Variants in PEX14 observed in about 807,000 individuals in gnomAD.
PEX14 encodes peroxisomal membrane protein PEX14.
Under a neutral mutation model 49.5 loss-of-function variants are expected in PEX14, and 15 were observed. The observed-to-expected ratio is 0.30, with a 90% CI of 0.20 to 0.47. PEX14 has a LOEUF of 0.47. PEX14 is among the 20% of genes least tolerant of loss of function. The probability of loss-of-function intolerance (pLI) is 1.00; values close to 1 mark genes in which losing one functional copy is unlikely to be tolerated. For synonymous variants in PEX14, 210 were observed against 212.7 expected (o/e 0.99, Z 0.11); for missense variants, 398 against 494.8 (o/e 0.80, Z 1.86).
chr1:10,601,502 C>T lies in PEX14; in HGVS notation c.298+2136C>T, dbSNP rs76936997. Among the ~76,000 whole-genome samples the T allele has an allele frequency of 9.6e-3, 1,466 of 152,260 alleles. 17 individuals carry two copies. The highest frequency in any genetic ancestry group is 0.016 in the Admixed American group (237 of 15,290). ...CAGCCAGTGGGTTGGAATCTGCTGTCTGTGTTACGGATCTTATTTAGAGAT... is the reference window on the plus strand; with the variant it reads ...CAGCCAGTGGGTTGGAATCTGCTGTTTGTGTTACGGATCTTATTTAGAGAT... On this transcript the variant is annotated intron_variant, in intron 4 of 8. Coordinates refer to ENST00000356607, the MANE Select transcript of PEX14 (RefSeq NM_004565.3).
In PEX14 at chr1:10,524,923, T is replaced by C. The variant is rs190749990; in HGVS notation, c.85-11290T>C. On this transcript the variant is annotated intron_variant, in intron 2 of 8. Transcript: ENST00000356607. ...CCAGGCTGGTCCCGAACTCTTGGCC[T>C]CCAGCCATCCTCCTGCCTCAGCCTC... is the stretch of plus-strand genomic sequence containing the variant. 2.6e-5 allele frequency among the ~76,000 whole-genome samples: 4 copies of C among 152,364 alleles called. 1 individual carries two copies. The highest frequency in any genetic ancestry group is 2.6e-4 in the Admixed American group (4 of 15,310).
At chr1:10,559,075 G>A (rs1225766265) in intron 3 of PEX14, among the ~76,000 whole-genome samples, 2 of 151,958 alleles carry the variant, frequency 1.3e-5, no homozygotes, top group Non-Finnish European at 2.9e-5. Flanking sequence ...GGTTCTCTTA[G>A]GTTTTCTCAG....
Position 10,613,892 on chromosome 1 carries a change from AG to A in PEX14, c.299-4439del, listed in dbSNP as rs1641340263. On this transcript the variant is annotated intron_variant, in intron 4 of 8. Coordinates refer to ENST00000356607, the MANE Select transcript of PEX14 (RefSeq NM_004565.3). The surrounding 1 kb of genome is among the most constrained non-coding windows in gnomAD (Gnocchi z 5.0). ...GAGTGGAGACTCGAAGCATTTAAAA[AG>A]CCCACTCATTCTCTTCCTTTTCTTC... 6.6e-6 allele frequency among the ~76,000 whole-genome samples: 1 copy of A among 152,212 alleles called. No homozygotes were observed. The highest frequency in any genetic ancestry group is 2.4e-5 in the African/African-American group (1 of 41,452).
At chr1:10,545,196 T>C (rs978555014) in intron 3 of PEX14, among the ~76,000 whole-genome samples, 1 of 152,234 alleles carries the variant, frequency 6.6e-6, no homozygotes, top group Non-Finnish European at 1.5e-5. Context: ...GTTCATTCCT[T>C]TTTATTGCTG....
At chr1:10,576,345 A>G (rs1456863224) in intron 3 of PEX14, among the ~76,000 whole-genome samples, 1 of 152,192 alleles carries the variant, frequency 6.6e-6, no homozygotes, top group East Asian at 1.9e-4. Flanking sequence ...TGTGTCAGGC[A>G]ATAAGCTAAG....
chr1:10,520,148 C>CTTTTTTTTTTTTTTGT (rs1553185420), intron 2 of PEX14, among the ~76,000 whole-genome samples: 4 of 69,162 alleles, frequency 5.8e-5, no homozygotes, highest in African/African-American at 1.3e-4. Context: ...CCTTCTTCTT[C>CTTTTTTTTTTTTTTGT]TTTTTTTTTT....
At chr1:10,574,951 A>G (rs1640078906) in intron 3 of PEX14, among the ~76,000 whole-genome samples, 1 of 152,140 alleles carries the variant, frequency 6.6e-6, no homozygotes, top group South Asian at 2.1e-4. Flanking sequence ...TCTGAAAAAA[A>G]TTCGTAAAAG....
intron 1 of PEX14, among the ~76,000 whole-genome samples, chr1:10,486,061 A>G (rs1440649837): frequency 1.3e-5 from 2 of 152,170 alleles, no homozygotes; most frequent in South Asian, 4.1e-4. Flanking sequence ...CCCGGCCTCT[A>G]GTAGCTTTTT....
intron 3 of PEX14, among the ~76,000 whole-genome samples, chr1:10,593,286 T>G (rs755702387): frequency 1.3e-5 from 2 of 152,220 alleles, no homozygotes; most frequent in Non-Finnish European, 2.9e-5. Flanking sequence ...TTAGATATCT[T>G]TCTTTCTTTC....
rs1015797093 is a variant in PEX14 at position 10,587,194 on chromosome 1, C to T, written c.170-12044C>T. ...TAATGAGGCTGTGTGTGGTGGCTCACGCCTGTAATCCCAGCACTTTGGGAG... is the reference window on the plus strand; with the variant it reads ...TAATGAGGCTGTGTGTGGTGGCTCATGCCTGTAATCCCAGCACTTTGGGAG... On this transcript the variant is annotated intron_variant, in intron 3 of 8. Coordinates refer to ENST00000356607, the MANE Select transcript of PEX14 (RefSeq NM_004565.3). Among the ~76,000 whole-genome samples, 5 of 152,274 alleles carry T rather than the reference C, an allele frequency of 3.3e-5. No homozygotes were observed. In the South Asian group the frequency reaches 6.2e-4, roughly 19 times the overall value.
At chr1:10,543,997 T>A (rs1639097115) in intron 3 of PEX14, among the ~76,000 whole-genome samples, 2 of 152,186 alleles carry the variant, frequency 1.3e-5, no homozygotes, top group African/African-American at 4.8e-5. Flanking sequence ...ACAAAGATGG[T>A]CCTGCTGAGT....
intron 1 of PEX14, among the ~76,000 whole-genome samples, chr1:10,491,752 C>T (rs1315090289): frequency 7.1e-6 from 1 of 140,512 alleles, no homozygotes; most frequent in Non-Finnish European, 1.5e-5. Flanking sequence ...ATGATCTCAG[C>T]TCACTGTAAC....
chr1:10,523,825 TAAAAAA>T (rs59324356), intron 2 of PEX14, among the ~76,000 whole-genome samples: 3 of 132,364 alleles, frequency 2.3e-5, no homozygotes, highest in South Asian at 4.9e-4. Context: ...TCCTTTTAGT[TAAAAAA>T]AAAAAAAAAA....
chr1:10,480,756 C>T (rs1333999798), intron 1 of PEX14, among the ~76,000 whole-genome samples: 1 of 151,964 alleles, frequency 6.6e-6, no homozygotes, highest in Non-Finnish European at 1.5e-5. Context: ...ATACTGAGAA[C>T]TTCTGTAAAA....
intron 2 of PEX14, among the ~76,000 whole-genome samples, chr1:10,508,503 G>C (rs931470858): frequency 6.6e-6 from 1 of 152,130 alleles, no homozygotes; most frequent in African/African-American, 2.4e-5. Context: ...GGATGTGCCA[G>C]ATTTTTAGAT....
intron 3 of PEX14, among the ~76,000 whole-genome samples, chr1:10,542,955 C>T (rs1411209755): frequency 6.6e-6 from 1 of 152,102 alleles, no homozygotes; most frequent in African/African-American, 2.4e-5. Context: ...GGATATTTTT[C>T]TTGCTTAAAT....
intron 3 of PEX14, among the ~76,000 whole-genome samples, chr1:10,592,477 C>T (rs774522234): frequency 7.2e-5 from 11 of 152,012 alleles, no homozygotes; most frequent in Non-Finnish European, 1.6e-4. Context: ...TGATTGGAAA[C>T]CCTCCCAGTC....
At position 10,512,658 on chromosome 1, in the gene PEX14, G is replaced by GT. The variant is rs1641904610; in HGVS notation, c.84+17342dup. On this transcript the variant is annotated intron_variant, in intron 2 of 8. Transcript: ENST00000356607. The surrounding 1 kb of genome is among the most constrained non-coding windows in gnomAD (Gnocchi z 4.6). ...ACAATATATTCAGATGCATAGGATCGTTTTTAAATGAAATGCTCCCTGTTC... is the reference window on the plus strand; with the variant it reads ...ACAATATATTCAGATGCATAGGATCGTTTTTTAAATGAAATGCTCCCTGTTC... Among the ~76,000 whole-genome samples, 1 of 151,904 alleles carries GT rather than the reference G, an allele frequency of 6.6e-6. No homozygotes were observed. The highest frequency in any genetic ancestry group is 2.4e-5 in the African/African-American group (1 of 41,378).
At chr1:10,509,911 A>T (rs1223884850) in intron 2 of PEX14, among the ~76,000 whole-genome samples, 3 of 152,040 alleles carry the variant, frequency 2.0e-5, no homozygotes, top group African/African-American at 7.3e-5. Context: ...TTTCGTGGCC[A>T]TTACTTACTC....
Sources: allele counts gnomAD v4.1 joint callset (sites outside exome capture counted in the v4.1 genomes callset), GRCh38; gene constraint gnomAD v4.1.1; non-coding constraint Gnocchi (gnomAD v3.1); transcripts MANE v1.5; gene names NCBI Gene and HGNC (gene_info 2026-07-23, HGNC 2026-07-21).